Variants in NAF1 observed in about 807,000 individuals in gnomAD.
The protein encoded by NAF1 is H/ACA ribonucleoprotein complex non-core subunit NAF1.
NAF1 carries 11 observed loss-of-function variants against 40.6 expected under a neutral mutation model. The observed-to-expected ratio is 0.27, with a 90% confidence interval of 0.17 to 0.45. The LOEUF (loss-of-function observed/expected upper bound fraction) is 0.45, where lower values mean the gene tolerates loss of function less well. Ranked by LOEUF, NAF1 falls within the 20% of genes least tolerant of loss-of-function variation. The pLI is 1.00. For missense variants in NAF1, 607 were observed against 611.1 expected (o/e 0.99, Z 0.07); for synonymous variants, 260 against 228.5 (o/e 1.14, Z -1.24).
chr4:163,132,584 C>T (rs1560786812), intron 7 of NAF1, among the ~76,000 whole-genome samples: 1 of 152,262 alleles, frequency 6.6e-6, no homozygotes, highest in African/African-American at 2.4e-5. Context: ...GAGGTAAGGA[C>T]GTGGCTGTGA....
intron 2 of NAF1, among the ~76,000 whole-genome samples, chr4:163,160,568 A>T (rs1345936387): frequency 6.6e-6 from 1 of 152,212 alleles, no homozygotes; most frequent in Non-Finnish European, 1.5e-5. Flanking sequence ...AAAGGGATAG[A>T]TCCAGAGAGG....
chr4:163,142,005 C>G, intron 4 of NAF1: 1 of 741,046 alleles, frequency 1.3e-6, no homozygotes, highest in Non-Finnish European at 1.6e-6. Context: ...ATTAAAATGC[C>G]AATGTATTAT....
chr4:163,157,294 T>C (rs1732025424), intron 2 of NAF1: 1 of 152,060 alleles, frequency 6.6e-6, no homozygotes, highest in African/African-American at 2.4e-5. Context: ...AACCAAATAA[T>C]GAGAAAGTCC....
At chr4:163,158,529 T>C (rs1732084119) in intron 2 of NAF1, among the ~76,000 whole-genome samples, 1 of 152,056 alleles carries the variant, frequency 6.6e-6, no homozygotes, top group African/African-American at 2.4e-5. Flanking sequence ...AACTTAAGAC[T>C]CAGACAAGTC....
rs538347494 is a variant in NAF1 at position 163,144,417 on chromosome 4, GAAGAA to G, written c.717+1360_717+1364del. On this transcript the variant is annotated intron_variant, in intron 4 of 7. Coordinates refer to ENST00000274054, the MANE Select transcript of NAF1 (RefSeq NM_138386.3). ...TGTAGCTGATTACTATCGTGTTACT[GAAGAA>G]AAGAGGGAAAAGATGTTCGATGGCT... 5.9e-5 allele frequency among the ~76,000 whole-genome samples: 9 copies of G among 152,300 alleles called. No homozygotes were observed. In the South Asian group the frequency reaches 1.4e-3, roughly 25 times the overall value.
At chr4:163,110,406 TCTTA>T in intron 2 of NAF1, 1 of 622,890 alleles carries the variant, frequency 1.6e-6, no homozygotes, top group South Asian at 1.9e-5. Context: ...GTTGTTAATC[TCTTA>T]CTGTGCCTAT....
At chr4:163,161,230 T>G (rs1239510272) in intron 2 of NAF1, among the ~76,000 whole-genome samples, 1 of 152,060 alleles carries the variant, frequency 6.6e-6, no homozygotes, top group Non-Finnish European at 1.5e-5. Context: ...CCCAGCACTT[T>G]GGGAGGCCGA....
intron 4 of NAF1, among the ~76,000 whole-genome samples, chr4:163,140,768 T>A (rs1731230509): frequency 6.6e-6 from 1 of 152,198 alleles, no homozygotes; most frequent in Non-Finnish European, 1.5e-5. Context: ...ACTGTATACA[T>A]TTGGAATCAT....
At chr4:163,110,222 G>A in exon 3 of NAF1, 2 of 685,670 alleles carry the variant, frequency 2.9e-6, no homozygotes, top group Non-Finnish European at 5.3e-6. Context: ...ATCATTTGAG[G>A]ATACAGTACT....
At chr4:163,116,947 A>T (rs1166879917) in intron 2 of NAF1, among the ~76,000 whole-genome samples, 1 of 152,314 alleles carries the variant, frequency 6.6e-6, no homozygotes, top group East Asian at 1.9e-4. Context: ...TACTTCCAGG[A>T]TAAAATCCAA....
At chr4:163,161,061 T>G (rs1732198385) in intron 2 of NAF1, among the ~76,000 whole-genome samples, 1 of 151,368 alleles carries the variant, frequency 6.6e-6, no homozygotes, top group Non-Finnish European at 1.5e-5. Flanking sequence ...ATAACAGAAT[T>G]GTCCCAAAAG....
chr4:163,106,992 C>CTT (rs1013843347), downstream of NAF1, among the ~76,000 whole-genome samples: 3 of 146,002 alleles, frequency 2.1e-5, no homozygotes, highest in Non-Finnish European at 3.0e-5. Flanking sequence ...TTGAGGCTTT[C>CTT]TTTTTTTTTT....
downstream of NAF1, among the ~76,000 whole-genome samples, chr4:163,125,568 C>T (rs1730632614): frequency 6.6e-6 from 1 of 152,142 alleles, no homozygotes; most frequent in Admixed American, 6.6e-5. Context: ...CAGAGGGAAA[C>T]TGCAGTGGGA....
chr4:163,148,970 T>C (rs2320614), intron 2 of NAF1, among the ~76,000 whole-genome samples: 58,629 of 151,874 alleles, frequency 0.39, 12,261 homozygotes, highest in East Asian at 0.68. Context: ...CAGTGAAACA[T>C]TGAAGTCCTG....
intron 2 of NAF1, among the ~76,000 whole-genome samples, chr4:163,153,495 C>T (rs1044327748): frequency 6.7e-6 from 1 of 149,740 alleles, no homozygotes; most frequent in African/African-American, 2.5e-5. Context: ...ATACACCAAT[C>T]GGCACTCTGT....
intron 2 of NAF1, 147 bp from the exon 3 acceptor site, chr4:163,148,581 C>T: frequency 5.3e-6 from 3 of 562,374 alleles, no homozygotes; most frequent in South Asian, 2.7e-5. Context: ...TTAGTGGTTG[C>T]AGACTTGTGA....
chr4:163,124,676 T>C (rs976084246), downstream of NAF1, among the ~76,000 whole-genome samples: 39 of 152,142 alleles, frequency 2.6e-4, 1 homozygote, highest in Admixed American at 2.5e-3. Context: ...GGCCAATTTG[T>C]ATAGAGAGGA....
downstream of NAF1, among the ~76,000 whole-genome samples, chr4:163,125,379 T>C (rs1316506654): frequency 2.0e-5 from 3 of 152,134 alleles, no homozygotes; most frequent in East Asian, 1.9e-4. Flanking sequence ...TAAAAGAAAC[T>C]AAAAGTACTA....
In NAF1 at chr4:163,140,193, TGAA is replaced by T. The variant is rs746810014; in HGVS notation, c.878+27_878+29del. 2.0e-6 allele frequency: 3 copies of T among 1,534,430 alleles called. No homozygotes were observed. In the South Asian group the frequency reaches 3.7e-5, roughly 19 times the overall value. Reference sequence around the variant, plus strand: ...TCTTAAAATATAAACGTTAGGTAAGTGAAGAACAACATGCCGGTAAAGTACTTA... The same window carrying T: ...TCTTAAAATATAAACGTTAGGTAAGTGAACAACATGCCGGTAAAGTACTTA... On this transcript the variant is annotated intron_variant, in intron 5 of 7. Transcript: ENST00000274054.
Sources: allele counts gnomAD v4.1 joint callset (sites outside exome capture counted in the v4.1 genomes callset), GRCh38; gene constraint gnomAD v4.1.1; transcripts MANE v1.5; gene names NCBI Gene and HGNC (gene_info 2026-07-23, HGNC 2026-07-21).